PITPNM1: variants seen among roughly 807,000 people sequenced by gnomAD.
PITPNM1 encodes the protein membrane-associated phosphatidylinositol transfer protein 1.
PITPNM1 carries 74 observed loss-of-function variants against 133.3 expected under a neutral mutation model. The observed-to-expected ratio is 0.56, with a 90% confidence interval of 0.46 to 0.67. PITPNM1 has a LOEUF of 0.67. Ranked by LOEUF, PITPNM1 falls within the 30% of genes least tolerant of loss-of-function variation. The pLI is 0.00. For synonymous variants in PITPNM1, 738 were observed against 741.4 expected (o/e 1.00, Z 0.08); for missense variants, 1,398 against 1,739.5 (o/e 0.80, Z 3.49).
At chr11:67,493,336 C>T in intron 22 of PITPNM1, 74 bp downstream of exon 22, 1 of 1,420,164 alleles carries the variant, frequency 7.0e-7, no homozygotes. Context: ...GATGGGCCTC[C>T]GCCGATCCGG....
At chr11:67,505,790 C>T (rs895510032), upstream of PITPNM1, among the ~76,000 whole-genome samples, 24 of 152,222 alleles carry the variant, frequency 1.6e-4, no homozygotes, top group African/African-American at 5.5e-4. The surrounding 1 kb of genome is among the most constrained non-coding windows in gnomAD (Gnocchi z 5.8). Flanking sequence ...GGCTCGGCTC[C>T]AGGGCCCCAG....
chr11:67,505,766 T>C (rs115190078), upstream of PITPNM1, among the ~76,000 whole-genome samples: 720 of 152,248 alleles, frequency 4.7e-3, 9 homozygotes, highest in African/African-American at 0.016. This position sits in a 1 kb window ranked among gnomAD's most constrained non-coding sequence, Gnocchi z 5.8. Context: ...CTGACATGCC[T>C]CCACCTAGGG....
chr11:67,495,747 C>T, intron 15 of PITPNM1, 145 bp from the exon 16 acceptor site: 1 of 786,690 alleles, frequency 1.3e-6, no homozygotes, highest in Non-Finnish European at 1.9e-6. Flanking sequence ...TCTCTCCTCT[C>T]AGCCCAGTGG....
At chr11:67,492,819 T>G in intron 23 of PITPNM1, 115 bp downstream of exon 23, 2 of 1,334,374 alleles carry the variant, frequency 1.5e-6, no homozygotes, top group Non-Finnish European at 2.0e-6. Context: ...CCAGGTTCCC[T>G]GGAGGCCGGT....
At chr11:67,492,415 C>T in intron 23 of PITPNM1, 119 bp from the exon 24 acceptor site, 2 of 1,081,130 alleles carry the variant, frequency 1.8e-6, no homozygotes, top group South Asian at 1.7e-5. Flanking sequence ...CTTGGCACAG[C>T]CTGAGCTGAA....
rs147615368 is a variant in PITPNM1 at position 67,499,727 on chromosome 11, C to T, written c.1167G>A (p.Thr389=). 20 of 1,493,638 alleles carry T rather than the reference C, an allele frequency of 1.3e-5. No individual in the cohort carries two copies. The highest frequency in any genetic ancestry group is 1.1e-4 in the South Asian group (8 of 73,638). The allele number at this position is 1,493,638 out of a possible 1,614,324, so 92.5% of individuals were successfully genotyped here. A position where few individuals can be genotyped will look rare whatever the true frequency, so the allele number is the denominator to read the frequency against. Residue 389 remains threonine (T), a synonymous_variant, in exon 8 of 24, where the codon ACG becomes ACA. Coordinates refer to ENST00000356404, the MANE Select transcript of PITPNM1 (RefSeq NM_004910.3). ...AFASPVEAEG[T]PEPGAEAAKG... is the part of the protein sequence containing the mutation. ...TGTCCTAGGCGGTATCTTTACCTGG[C>T]GTTCCCTCTGCCTCCACTGGGGAGG...
chr11:67,496,475 A>G, intron 14 of PITPNM1, 127 bp from the exon 15 acceptor site: 2 of 781,152 alleles, frequency 2.6e-6, no homozygotes, highest in Non-Finnish European at 1.9e-6. Flanking sequence ...CCCAAACTGC[A>G]CTCCCTGGGA....
In PITPNM1 at chr11:67,500,374, G is replaced by T; in HGVS notation, c.688C>A (p.Gln230Lys). 6.2e-7 allele frequency: 1 copy of T among 1,611,948 alleles called. No homozygotes were observed. Among genetic ancestry groups the T allele is most frequent in the Non-Finnish European group, 8.5e-7 (1 of 1,179,908 alleles). Residue 230 changes from glutamine to lysine, a missense_variant, in exon 6 of 24, where the codon CAG (glutamine) becomes AAG (lysine). Physicochemically the swap from Gln to Lys is moderately conservative, Grantham distance 53 (BLOSUM62 1). Around this residue, in one of 5 missense-constraint regions of PITPNM1, gnomAD observed 274 missense variants for 360.7 expected, o/e 0.76. Coordinates refer to ENST00000356404, the MANE Select transcript of PITPNM1 (RefSeq NM_004910.3). ...ATGCTCAGCTCTGTCCACTCATCCTGCCAGCACCAGGCCTGGCGGTGGGCC... is the reference window on the plus strand; with the variant it reads ...ATGCTCAGCTCTGTCCACTCATCCTTCCAGCACCAGGCCTGGCGGTGGGCC... ...LRAHRQAWCW[Q>K]DEWTELSMAD...
Position 67,498,638 on chromosome 11 carries a change from G to A in PITPNM1, c.1442C>T (p.Pro481Leu). The change falls in exon 10 of 24, where the codon CCC becomes CTC. Residue 481 changes from proline (P) to leucine (L), a missense_variant. Physicochemically the swap from Pro to Leu is moderately conservative, Grantham distance 98. This residue lies in a region of PITPNM1 where 574 missense variants were observed against 698.7 expected (regional missense o/e 0.82). Transcript: ENST00000356404. The surrounding 1 kb of genome is among the most constrained non-coding windows in gnomAD (Gnocchi z 5.7). ...GGCGGCGGCGCAGATGGGTGGACAG[G>A]GCACCAGTCGCAGCGCCACGTGGCC... ...ALGHVALRLV[P>L]CPPICAAAYA... 1 of 1,599,330 alleles carries A rather than the reference G, an allele frequency of 6.3e-7. No individual in the cohort carries two copies. Among genetic ancestry groups the A allele is most frequent in the Non-Finnish European group, 8.5e-7 (1 of 1,179,910 alleles).
intron 23 of PITPNM1, 137 bp downstream of exon 23, chr11:67,492,797 C>T (rs1366687967): frequency 5.3e-6 from 6 of 1,138,760 alleles, no homozygotes; most frequent in Non-Finnish European, 7.4e-6. Context: ...TGGCCCTTGT[C>T]CTCGGAGGAT....
At chr11:67,497,123 T>A (rs1866144654) in intron 14 of PITPNM1, 108 bp downstream of exon 14, 1 of 905,768 alleles carries the variant, frequency 1.1e-6, no homozygotes, top group African/African-American at 1.7e-5. Context: ...TTTGAATTAG[T>A]ACAGTGGGGA....
intron 8 of PITPNM1, among the ~76,000 whole-genome samples, chr11:67,499,327 C>G (rs1440284597): frequency 1.3e-5 from 2 of 151,844 alleles, no homozygotes; most frequent in Non-Finnish European, 2.9e-5. Context: ...ATAAAAACCT[C>G]AGTTCCTCAG....
Position 67,492,174 on chromosome 11 carries a change from C to A in PITPNM1, c.3594G>T (p.Val1198=), listed in dbSNP as rs757558316. 7 of 1,611,328 alleles carry A rather than the reference C, an allele frequency of 4.3e-6. No homozygotes were observed. The highest frequency in any genetic ancestry group is 5.9e-6 in the Non-Finnish European group (7 of 1,179,778). Residue 1198 remains valine, a synonymous_variant, in exon 24 of 24, where the codon GTG becomes GTT. Transcript: ENST00000356404. ...GCTGGCTCTGTTTGCGCAGGAAGTC[C>A]ACGGGGGCAGCCACACCATAGCTGC... The part of the protein sequence containing the change: ...GKSSYGVAAP[V]DFLRKQSQLL...
rs756837713 is a variant in PITPNM1, at chr11:67,498,798, C to T, written c.1282G>A (p.Ala428Thr). The change falls in exon 10 of 24, where the codon GCC becomes ACC. Residue 428 changes from alanine to threonine, a missense_variant. Ala to Thr is a moderately conservative substitution (Grantham distance 58). Coordinates refer to ENST00000356404, the MANE Select transcript of PITPNM1 (RefSeq NM_004910.3). This position sits in a 1 kb window ranked among gnomAD's most constrained non-coding sequence, Gnocchi z 5.7. ...ELGAEACAVH[A>T]LFLILHSGNI... ...CCGCTGTGCAGGATAAGGAAGAGGG[C>T]GTGGACTGCGCATGCCTCAGCCCCC... 9.3e-6 allele frequency: 15 copies of T among 1,612,452 alleles called. No homozygotes were observed. The highest frequency in any genetic ancestry group is 4.4e-5 in the South Asian group (4 of 91,074).
At chr11:67,499,700 G>A (rs368372244) in intron 8 of PITPNM1, 23 bp downstream of exon 8, 134 of 1,318,144 alleles carry the variant, frequency 1.0e-4, no homozygotes, top group African/African-American at 5.6e-4. Flanking sequence ...GCTGGGGGCC[G>A]GTGTCCTAGG....
Position 67,491,871 on chromosome 11 carries a change from T to G in PITPNM1, c.*162A>C. The stretch of plus-strand genomic sequence containing the variant: ...CTCCCCCCGGCGCTGGGTCCCCTCA[T>G]ATGAAAGGGAAGTAACACCGAGGAG... On this transcript the variant is annotated 3_prime_UTR_variant, in exon 24 of 24. Transcript: ENST00000356404. The G allele has an allele frequency of 1.3e-6, 1 of 749,968 alleles. No individual in the cohort carries two copies. Among genetic ancestry groups the G allele is most frequent in the Non-Finnish European group, 2.1e-6 (1 of 480,306 alleles). The allele number at this position is 749,968 out of a possible 1,614,324, so 46.5% of individuals were successfully genotyped here.
chr11:67,495,073 C>T lies in PITPNM1; in HGVS notation c.2631+4G>A. ...CATCTCCCATTCCATATTCCCAGGC[C>T]CACCTGGCGCAGGATGAACGCCACC... On this transcript the variant is annotated splice_donor_region_variant and intron_variant, in intron 17 of 23. Transcript: ENST00000356404. The T allele has an allele frequency of 6.2e-7, 1 of 1,612,704 alleles. No homozygotes were observed. Among genetic ancestry groups the T allele is most frequent in the Non-Finnish European group, 8.5e-7 (1 of 1,179,818 alleles).
In PITPNM1 at chr11:67,497,361, G is replaced by A; in HGVS notation, c.2016C>T (p.Ala672=). 6.2e-7 allele frequency: 1 copy of A among 1,604,152 alleles called. No homozygotes were observed. The highest frequency in any genetic ancestry group is 1.1e-5 in the South Asian group (1 of 90,582). Residue 672 remains alanine (A), a synonymous_variant, in exon 14 of 24, where the codon GCC becomes GCT. Transcript: ENST00000356404. Reference sequence around the variant, plus strand: ...TGGGGCCGTCAGGTGCCTCGGAACTGGCAGCGGGTGGGCAGAAGGCCGTGC... The same window carrying A: ...TGGGGCCGTCAGGTGCCTCGGAACTAGCAGCGGGTGGGCAGAAGGCCGTGC... ...RASTAFCPPA[A]SSEAPDGPSS...
Position 67,497,404 on chromosome 11 carries a change from C to T in PITPNM1, c.1973G>A (p.Trp658Ter). ...LQAAPATTSS[W>*]EPRRASTAFC... ...GGCCGTGCTTGCCCGCCGGGGCTCC[C>T]AGGAGGAGGTGGTTGCGGGGGCTGC... The change falls in exon 14 of 24, where the codon TGG (tryptophan) becomes TAG (stop). Residue 658 changes from tryptophan (W) to a stop codon, truncating the protein, a stop_gained. Coordinates refer to ENST00000356404, the MANE Select transcript of PITPNM1 (RefSeq NM_004910.3). LOFTEE classifies it high-confidence loss of function. The T allele has an allele frequency of 1.3e-6, 2 of 1,590,844 alleles. No individual in the cohort carries two copies. Among genetic ancestry groups the T allele is most frequent in the Non-Finnish European group, 8.6e-7 (1 of 1,166,302 alleles).
Sources: allele counts gnomAD v4.1 joint callset (sites outside exome capture counted in the v4.1 genomes callset), GRCh38; gene constraint gnomAD v4.1.1; regional missense constraint gnomAD v4.1.1; non-coding constraint Gnocchi (gnomAD v3.1); transcripts MANE v1.5; gene names NCBI Gene and HGNC (gene_info 2026-07-23, HGNC 2026-07-21).